Variants in BTBD10 observed in about 807,000 individuals in gnomAD.
The protein encoded by BTBD10 is BTB domain containing 10.
Under a neutral mutation model 53.2 loss-of-function variants are expected in BTBD10, and 21 were observed. That is an observed-to-expected ratio of 0.39 (90% CI 0.28 to 0.57). BTBD10 has a LOEUF of 0.57. Among genes scored for constraint, BTBD10 ranks in the 20% least tolerant of loss-of-function variants. The pLI is 0.53. For synonymous variants in BTBD10, 149 were observed against 192.7 expected (o/e 0.77, Z 1.88); for missense variants, 360 against 594.7 (o/e 0.61, Z 4.10).
intron 2 of BTBD10, among the ~76,000 whole-genome samples, chr11:13,442,252 A>G (rs373325418): frequency 1.3e-5 from 2 of 152,198 alleles, no homozygotes; most frequent in East Asian, 3.8e-4. Flanking sequence ...AGAGTAGGAG[A>G]GGCATGATGA....
intron 8 of BTBD10, among the ~76,000 whole-genome samples, chr11:13,391,305 C>A (rs1038834481): frequency 6.6e-6 from 1 of 152,202 alleles, no homozygotes; most frequent in Admixed American, 6.5e-5. Flanking sequence ...TGCCTCTTCC[C>A]TCTCAGCCTC....
rs138638836 is a variant in BTBD10 at position 13,462,160 on chromosome 11, C to G, written c.-58+932G>C. On this transcript the variant is annotated intron_variant, in intron 1 of 8. Coordinates refer to ENST00000278174, the MANE Select transcript of BTBD10 (RefSeq NM_032320.7). ...ACAGTCTCTTTCATTGAAAATTTAT[C>G]CCTAACCCCCTCTCTAAAAGATTTT... Among the ~76,000 whole-genome samples the G allele has an allele frequency of 2.9e-3, 442 of 152,100 alleles. 4 individuals are homozygous for G. The highest frequency in any genetic ancestry group is 0.027 in the Middle Eastern group (8 of 294).
chr11:13,410,807 A>G (rs1949925845), intron 6 of BTBD10, among the ~76,000 whole-genome samples: 1 of 152,224 alleles, frequency 6.6e-6, no homozygotes, highest in Non-Finnish European at 1.5e-5. Context: ...TAATAAAAAC[A>G]CAAAATATTA....
chr11:13,458,310 A>C (rs1051276030), intron 1 of BTBD10, among the ~76,000 whole-genome samples: 1 of 152,200 alleles, frequency 6.6e-6, no homozygotes, highest in Non-Finnish European at 1.5e-5. Context: ...ATTTATAAAC[A>C]ATGCACATAT....
chr11:13,427,181 C>A (rs898750487), intron 2 of BTBD10, among the ~76,000 whole-genome samples: 21 of 152,050 alleles, frequency 1.4e-4, no homozygotes, highest in African/African-American at 4.4e-4. Context: ...CGCACCACTG[C>A]ACTACAGCCT....
chr11:13,421,630 G>A lies in BTBD10; in HGVS notation c.298+12C>T, dbSNP rs1214652084. The A allele has an allele frequency of 6.2e-7, 1 of 1,604,796 alleles. No homozygotes were observed. The highest frequency in any genetic ancestry group is 1.3e-5 in the African/African-American group (1 of 74,718). ...TTAAGAACTGTTAGGAAGGTTAGTTGATTTTACATACCAACATGGTGCTGT... is the reference window on the plus strand; with the variant it reads ...TTAAGAACTGTTAGGAAGGTTAGTTAATTTTACATACCAACATGGTGCTGT... On this transcript the variant is annotated intron_variant, in intron 3 of 8. Transcript: ENST00000278174.
chr11:13,428,568 A>G (rs1565254903), intron 2 of BTBD10, among the ~76,000 whole-genome samples: 1 of 152,252 alleles, frequency 6.6e-6, no homozygotes, highest in East Asian at 1.9e-4. Flanking sequence ...TTTGAACTAA[A>G]AGAAAGTGGA....
intron 8 of BTBD10, among the ~76,000 whole-genome samples, chr11:13,394,991 C>T (rs866681594): frequency 7.9e-5 from 12 of 151,162 alleles, no homozygotes; most frequent in East Asian, 3.9e-4. Flanking sequence ...TGAATAGTGC[C>T]GCAATAAACA....
chr11:13,449,027 G>C (rs1020420136), intron 1 of BTBD10, among the ~76,000 whole-genome samples: 4 of 152,122 alleles, frequency 2.6e-5, no homozygotes, highest in African/African-American at 9.7e-5. Context: ...TGTTGGCTAG[G>C]GGCAGGCATT....
At chr11:13,429,367 C>A (rs1312090988) in intron 2 of BTBD10, among the ~76,000 whole-genome samples, 3 of 152,026 alleles carry the variant, frequency 2.0e-5, no homozygotes, top group Admixed American at 2.0e-4. Flanking sequence ...AGTTGGAAGA[C>A]TAACATGATC....
intron 1 of BTBD10, among the ~76,000 whole-genome samples, chr11:13,461,326 G>A (rs905976717): frequency 2.0e-5 from 3 of 152,104 alleles, no homozygotes; most frequent in African/African-American, 4.8e-5. Flanking sequence ...CTAGATTTCC[G>A]AGTTCTCTTG....
chr11:13,438,033 T>C (rs1688679649), intron 2 of BTBD10, among the ~76,000 whole-genome samples: 1 of 152,266 alleles, frequency 6.6e-6, no homozygotes, highest in Non-Finnish European at 1.5e-5. Flanking sequence ...CTATTTCTGT[T>C]AGAGGTGGTA....
At position 13,388,127 on chromosome 11, in the gene BTBD10, A is replaced by T. The variant is rs990856282; in HGVS notation, c.*704T>A. On this transcript the variant is annotated 3_prime_UTR_variant, in exon 9 of 9. Transcript: ENST00000278174. ...CTATCCCATAACTCTTAAGAAAAAA[A>T]AAGCATTAGTAAATAAATATCTGTG... 4 of 152,648 alleles carry T rather than the reference A, an allele frequency of 2.6e-5. No individual in the cohort carries two copies. Among genetic ancestry groups the T allele is most frequent in the Non-Finnish European group, 5.9e-5 (4 of 68,036 alleles). The allele number at this position is 152,648 out of a possible 1,614,324, so 9.5% of individuals were successfully genotyped here.
In BTBD10 at chr11:13,395,320, T is replaced by G. The variant is rs533228364; in HGVS notation, c.1118-6179A>C. 3.9e-5 allele frequency among the ~76,000 whole-genome samples: 6 copies of G among 152,338 alleles called. 1 individual carries two copies. In the South Asian group the frequency reaches 1.2e-3, roughly 32 times the overall value. On this transcript the variant is annotated intron_variant, in intron 8 of 8. Coordinates refer to ENST00000278174, the MANE Select transcript of BTBD10 (RefSeq NM_032320.7). ...GATGATGAGCTTTTTTTCATGTGTT[T>G]TTTGGCTGCATAAATGTCTTCCTTT... is the stretch of plus-strand genomic sequence containing the variant.
At chr11:13,426,221 T>G (rs1453498487) in intron 2 of BTBD10, among the ~76,000 whole-genome samples, 1 of 151,892 alleles carries the variant, frequency 6.6e-6, no homozygotes, top group Non-Finnish European at 1.5e-5. Context: ...TCAACCTAGG[T>G]TTTTCACAGC....
At chr11:13,449,388 G>A (rs1950809663) in intron 1 of BTBD10, among the ~76,000 whole-genome samples, 2 of 151,394 alleles carry the variant, frequency 1.3e-5, no homozygotes, top group Non-Finnish European at 2.9e-5. Flanking sequence ...AATCTTAAGA[G>A]ATAAGATTAA....
At chr11:13,417,057 G>A in intron 5 of BTBD10, 101 bp downstream of exon 5, 2 of 754,942 alleles carry the variant, frequency 2.6e-6, no homozygotes, top group Non-Finnish European at 4.2e-6. Context: ...CAATACCCTG[G>A]AATAACTCCA....
chr11:13,445,100 C>T lies in BTBD10; in HGVS notation c.25G>A (p.Asp9Asn), dbSNP rs1211542934. MAGRPHPY[D>N]GNSSDPENWD... ...TTCTCTGGATCACTGGAGTTACCATCATAGGGATGAGGCCGTCCTGCCATC... is the reference window on the plus strand; with the variant it reads ...TTCTCTGGATCACTGGAGTTACCATTATAGGGATGAGGCCGTCCTGCCATC... Residue 9 changes from aspartate (D) to asparagine (N), a missense_variant, in exon 2 of 9, where the codon GAT (aspartate) becomes AAT (asparagine). Asp to Asn is a conservative substitution (Grantham distance 23, BLOSUM62 1). Around this residue, in one of 6 missense-constraint regions of BTBD10, gnomAD observed 81 missense variants for 82.6 expected, o/e 0.98. Transcript: ENST00000278174. 2.5e-6 allele frequency: 4 copies of T among 1,613,210 alleles called. No individual in the cohort carries two copies. Among genetic ancestry groups the T allele is most frequent in the Non-Finnish European group, 2.5e-6 (3 of 1,179,456 alleles).
intron 8 of BTBD10, among the ~76,000 whole-genome samples, chr11:13,401,450 A>G (rs1415612327): frequency 6.6e-6 from 1 of 152,230 alleles, no homozygotes; most frequent in African/African-American, 2.4e-5. Flanking sequence ...AGGAGCTCAC[A>G]GTCTATGACC....
Sources: gnomAD v4.1 joint callset for allele counts (sites outside exome capture counted in the v4.1 genomes callset) on GRCh38, gnomAD v4.1.1 for gene constraint, gnomAD v4.1.1 regional missense constraint, MANE v1.5 for transcripts, NCBI Gene and HGNC (gene_info 2026-07-23, HGNC 2026-07-21) for gene names.